NLRP8: variants seen among roughly 807,000 people sequenced by gnomAD.
NLRP8 encodes the protein NLR family pyrin domain containing 8.
A neutral mutation model predicts 88.7 loss-of-function variants in NLRP8; 86 were observed. The ratio of observed to expected loss-of-function variants is 0.97; its 90% CI spans 0.81 to 1.16. NLRP8 has a LOEUF of 1.16. Ranked by LOEUF, NLRP8 falls within the 50% of genes most tolerant of loss-of-function variation. The pLI, the probability that NLRP8 is intolerant of heterozygous loss-of-function variation, is 0.00. For missense variants in NLRP8, 1,342 were observed against 1,286.5 expected, an observed-to-expected ratio of 1.04 and a Z score of -0.66; for synonymous variants, 504 against 494.6, an observed-to-expected ratio of 1.02 and a Z score of -0.25.
intron 5 of NLRP8, 123 bp downstream of exon 5, chr19:55,966,503 C>T (rs1979850398): frequency 1.0e-6 from 1 of 974,378 alleles, no homozygotes; most frequent in Non-Finnish European, 1.5e-6. Flanking sequence ...CTTTGTTCAA[C>T]TTTAAAAGTA....
intron 9 of NLRP8, among the ~76,000 whole-genome samples, chr19:55,981,454 G>A (rs1011140800): frequency 3.9e-5 from 6 of 152,072 alleles, no homozygotes; most frequent in Admixed American, 6.5e-5. Context: ...CTACCAGAAT[G>A]TCTTTGAATA....
chr19:55,972,324 A>T (rs1469232359), intron 6 of NLRP8, among the ~76,000 whole-genome samples: 9 of 151,954 alleles, frequency 5.9e-5, no homozygotes, highest in Admixed American at 5.9e-4. Context: ...CACGTTGGCC[A>T]GGCTGGTCTT....
chr19:55,958,479 G>A (rs1979471166), intron 3 of NLRP8, among the ~76,000 whole-genome samples: 1 of 152,150 alleles, frequency 6.6e-6, no homozygotes, highest in Non-Finnish European at 1.5e-5. Flanking sequence ...CAGGGCAGAG[G>A]TAAGAAAGCT....
chr19:55,963,239 C>G (rs751369797), intron 4 of NLRP8, among the ~76,000 whole-genome samples: 1 of 152,160 alleles, frequency 6.6e-6, no homozygotes, highest in African/African-American at 2.4e-5. Flanking sequence ...GTTTTGAACT[C>G]CTGACCTCAA....
At position 55,976,146 on chromosome 19, in the gene NLRP8, GA is replaced by G; in HGVS notation, c.2720del (p.Asp907AlafsTer2). The G allele has an allele frequency of 1.2e-6, 2 of 1,606,180 alleles. No individual in the cohort carries two copies. Among genetic ancestry groups the G allele is most frequent in the African/African-American group, 2.7e-5 (2 of 74,598 alleles). Reference sequence around the variant, plus strand: ...GTTTCTTTGCAGACTGAGAAAGTGTGACTTGACCTTTAATTGCTGTCAGGAT... The same window carrying G: ...GTTTCTTTGCAGACTGAGAAAGTGTGCTTGACCTTTAATTGCTGTCAGGAT... On this transcript the variant is annotated frameshift_variant, in exon 8 of 10. Transcript: ENST00000291971. LOFTEE classifies it high-confidence loss of function.
chr19:55,963,993 G>A (rs541146658), intron 4 of NLRP8, among the ~76,000 whole-genome samples: 1 of 152,106 alleles, frequency 6.6e-6, no homozygotes, highest in South Asian at 2.1e-4. Context: ...AGAAACTGAG[G>A]CATGAGTTTA....
chr19:55,978,625 T>C (rs1373813140), intron 8 of NLRP8, among the ~76,000 whole-genome samples: 2 of 152,220 alleles, frequency 1.3e-5, no homozygotes, highest in African/African-American at 4.8e-5. Flanking sequence ...TGAATTTTAC[T>C]CTTTGTTCAA....
chr19:55,978,390 T>C (rs1288144756), intron 8 of NLRP8, among the ~76,000 whole-genome samples: 9 of 152,134 alleles, frequency 5.9e-5, no homozygotes, highest in African/African-American at 2.2e-4. Context: ...TATAACAGAA[T>C]ACCTGAAATT....
At position 55,966,326 on chromosome 19, in the gene NLRP8, T is replaced by A; in HGVS notation, c.2327T>A (p.Val776Glu). 1 of 1,614,136 alleles carries A rather than the reference T, an allele frequency of 6.2e-7. No homozygotes were observed. Among genetic ancestry groups the A allele is most frequent in the Non-Finnish European group, 8.5e-7 (1 of 1,179,990 alleles). The change falls in exon 5 of 10, where the codon GTG (valine) becomes GAG (glutamate). Residue 776 changes from valine (V) to glutamate (E), a missense_variant. Val to Glu is a moderately radical substitution (Grantham distance 121). Coordinates refer to ENST00000291971, the MANE Select transcript of NLRP8 (RefSeq NM_176811.2). Reference sequence around the variant, plus strand: ...CATGTGGAAGTGGAGTCCAAAGCTGTGAAGCTTCTATGCAGGGTGCTGAGA... The same window carrying A: ...CATGTGGAAGTGGAGTCCAAAGCTGAGAAGCTTCTATGCAGGGTGCTGAGA...
rs897823562 is a variant in NLRP8, at chr19:55,988,192, G to T, written c.*279G>T. Reference sequence around the variant, plus strand: ...AGATTACCTGAGGTCAGGAGTTCCAGACCAGCCTGGCCAACATGGTGAAAC... The same window carrying T: ...AGATTACCTGAGGTCAGGAGTTCCATACCAGCCTGGCCAACATGGTGAAAC... On this transcript the variant is annotated 3_prime_UTR_variant, in exon 10 of 10. Transcript: ENST00000291971. 7.2e-5 allele frequency: 15 copies of T among 209,640 alleles called. No individual in the cohort carries two copies. Among genetic ancestry groups the T allele is most frequent in the Non-Finnish European group, 1.0e-4 (11 of 104,922 alleles). 13.0% of individuals were successfully genotyped at this position (209,640 alleles called of 1,614,324 possible).
chr19:55,967,419 A>G (rs8112240), intron 5 of NLRP8, among the ~76,000 whole-genome samples: 2,214 of 152,310 alleles, frequency 0.015, 45 homozygotes, highest in African/African-American at 0.048. Context: ...TTTGGTTTTT[A>G]GATCCCACAA....
Position 55,956,106 on chromosome 19 carries a change from T to A in NLRP8, c.2042+6T>A. On this transcript the variant is annotated splice_donor_region_variant and intron_variant, in intron 3 of 9. Transcript: ENST00000291971. ...AGCTCCCATCCTGGCTCTGAGTAAG[T>A]GCTTCGGTCCCTCCTTGGGTAGCCC... 2 of 1,607,270 alleles carry A rather than the reference T, an allele frequency of 1.2e-6. No homozygotes were observed. Among genetic ancestry groups the A allele is most frequent in the Non-Finnish European group, 1.7e-6 (2 of 1,176,028 alleles).
At position 55,970,525 on chromosome 19, in the gene NLRP8, T is replaced by C. The variant is rs368508717; in HGVS notation, c.2382-19T>C. 1 of 1,613,102 alleles carries C rather than the reference T, an allele frequency of 6.2e-7. No individual in the cohort carries two copies. Among genetic ancestry groups the C allele is most frequent in the African/African-American group, 1.3e-5 (1 of 74,978 alleles). The stretch of plus-strand genomic sequence containing the variant: ...TTTCCCCAGAACCATGGCTCAGCAT[T>C]TGTATCTGGCTTCTACAGGTTGGAA... On this transcript the variant is annotated intron_variant, in intron 5 of 9. Transcript: ENST00000291971.
intron 9 of NLRP8, among the ~76,000 whole-genome samples, chr19:55,981,934 A>T (rs1468464918): frequency 6.7e-6 from 1 of 150,000 alleles, no homozygotes; most frequent in Non-Finnish European, 1.5e-5. Context: ...ATGGAGTCTC[A>T]CTCTGTCACC....
intron 7 of NLRP8, among the ~76,000 whole-genome samples, 188 bp from the exon 8 acceptor site, chr19:55,975,945 G>T (rs550780388): frequency 6.6e-6 from 1 of 152,284 alleles, no homozygotes; most frequent in East Asian, 1.9e-4. Context: ...TGGGTGAATT[G>T]TGTGATATAT....
intron 3 of NLRP8, among the ~76,000 whole-genome samples, chr19:55,957,703 ATATATATATATATATATAT>A: frequency 2.0e-5 from 1 of 50,756 alleles, no homozygotes; most frequent in African/African-American, 5.8e-5. Flanking sequence ...ATATATATAT[ATATATATATATATATATAT>A]ATAAAATAAG....
intron 2 of NLRP8, among the ~76,000 whole-genome samples, chr19:55,954,192 G>A (rs900146639): frequency 6.6e-6 from 1 of 152,078 alleles, no homozygotes; most frequent in African/African-American, 2.4e-5. Context: ...ACAAAGAAAG[G>A]GCTGAGAGAA....
chr19:55,948,799 G>A (rs550966289), intron 1 of NLRP8, among the ~76,000 whole-genome samples: 40 of 152,300 alleles, frequency 2.6e-4, no homozygotes, highest in African/African-American at 9.6e-4. Flanking sequence ...AACGTTAAAT[G>A]AAGTCATAGA....
At chr19:55,961,229 A>G (rs1305648854) in intron 3 of NLRP8, among the ~76,000 whole-genome samples, 2 of 151,992 alleles carry the variant, frequency 1.3e-5, no homozygotes, top group Non-Finnish European at 2.9e-5. Context: ...TAATGCAACC[A>G]ACAGCAATCT....
Sources: allele counts gnomAD v4.1 joint callset (sites outside exome capture counted in the v4.1 genomes callset), GRCh38; gene constraint gnomAD v4.1.1; transcripts MANE v1.5; gene names NCBI Gene and HGNC (gene_info 2026-07-23, HGNC 2026-07-21).